PTPRD: variants seen among roughly 807,000 people sequenced by gnomAD.
PTPRD encodes the protein protein tyrosine phosphatase receptor type D.
In PTPRD, 34 loss-of-function variants were observed where a neutral mutation model predicts 214.5. The observed-to-expected ratio is 0.16, with a 90% CI of 0.12 to 0.21. The LOEUF (loss-of-function observed/expected upper bound fraction) is 0.21, where lower values mean the gene tolerates loss of function less well. Among genes scored for constraint, PTPRD ranks in the 10% least tolerant of loss-of-function variants. The pLI, the probability that PTPRD is intolerant of heterozygous loss-of-function variation, is 1.00. For synonymous variants in PTPRD, 1,128 were observed against 845.7 expected, an observed-to-expected ratio of 1.33 and a Z score of -5.79; for missense variants, 2,545 against 2,398.7, an observed-to-expected ratio of 1.06 and a Z score of -1.27.
At chr9:8,430,787 C>G (rs1401587454) in intron 35 of PTPRD, among the ~76,000 whole-genome samples, 1 of 152,094 alleles carries the variant, frequency 6.6e-6, no homozygotes, top group Non-Finnish European at 1.5e-5. Flanking sequence ...CACTTCACTC[C>G]TCTTCCTAGT....
intron 10 of PTPRD, among the ~76,000 whole-genome samples, chr9:9,034,934 T>C (rs2099616775): frequency 6.6e-6 from 1 of 152,146 alleles, no homozygotes; most frequent in South Asian, 2.1e-4. Context: ...CAGTGCCTGG[T>C]GCAGTCTGAA....
chr9:10,429,813 T>C (rs1256374452), intron 2 of PTPRD, among the ~76,000 whole-genome samples: 2 of 151,916 alleles, frequency 1.3e-5, no homozygotes, highest in African/African-American at 2.4e-5. Context: ...TTCTTTTGAA[T>C]ACATCATATT....
At chr9:9,452,335 A>G (rs933084748) in intron 8 of PTPRD, among the ~76,000 whole-genome samples, 3 of 151,508 alleles carry the variant, frequency 2.0e-5, no homozygotes, top group African/African-American at 7.2e-5. Context: ...ACTGAGAACA[A>G]AGTAGTAGAG....
chr9:9,780,103 C>G (rs2098831270), intron 5 of PTPRD, among the ~76,000 whole-genome samples: 1 of 152,190 alleles, frequency 6.6e-6, no homozygotes, highest in South Asian at 2.1e-4. Context: ...AAATCACATT[C>G]TTTGGAGCAG....
chr9:9,503,222 G>A (rs966829784), intron 8 of PTPRD, among the ~76,000 whole-genome samples: 6 of 151,630 alleles, frequency 4.0e-5, no homozygotes, highest in Non-Finnish European at 8.8e-5. Flanking sequence ...TTATAGCTCA[G>A]TAATGTTACC....
chr9:9,042,407 A>G (rs1036312596), intron 10 of PTPRD, among the ~76,000 whole-genome samples: 3 of 152,064 alleles, frequency 2.0e-5, no homozygotes, highest in African/African-American at 7.2e-5. Flanking sequence ...GAGGCAGGAG[A>G]ACAGTTAGAC....
intron 37 of PTPRD, among the ~76,000 whole-genome samples, chr9:8,379,703 A>C (rs962124052): frequency 4.6e-5 from 7 of 152,198 alleles, no homozygotes; most frequent in African/African-American, 1.7e-4. Flanking sequence ...TAGGCTTCAC[A>C]CATAAAGCTG....
intron 12 of PTPRD, among the ~76,000 whole-genome samples, chr9:8,709,638 A>C (rs1036523825): frequency 6.6e-6 from 1 of 152,172 alleles, no homozygotes; most frequent in East Asian, 1.9e-4. Context: ...AGCCAAATTT[A>C]GTCATTCTAC....
intron 7 of PTPRD, among the ~76,000 whole-genome samples, chr9:9,674,136 G>C (rs1004847682): frequency 2.0e-5 from 3 of 151,742 alleles, no homozygotes; most frequent in Admixed American, 6.6e-5. Context: ...TAGTATATTT[G>C]ATTTGGGGAG....
At position 8,436,692 on chromosome 9, in the gene PTPRD, A is replaced by T. The variant is rs754635609; in HGVS notation, c.3989-3T>A. The T allele has an allele frequency of 1.2e-4, 195 of 1,609,044 alleles. 1 individual carries two copies. The highest frequency in any genetic ancestry group is 1.5e-4 in the Non-Finnish European group (178 of 1,176,952). ...TATTGGAGGATGGCTAGCCATACCT[A>T]TTGAAAAAAGCAAAGAAGAAACACA... is the stretch of plus-strand genomic sequence containing the variant. On this transcript the variant is annotated splice_polypyrimidine_tract_variant and splice_region_variant and intron_variant, in intron 34 of 45. Coordinates refer to ENST00000381196, the MANE Select transcript of PTPRD (RefSeq NM_002839.4).
intron 11 of PTPRD, among the ~76,000 whole-genome samples, chr9:8,918,606 G>A (rs2098803840): frequency 6.6e-6 from 1 of 152,114 alleles, no homozygotes; most frequent in African/African-American, 2.4e-5. Context: ...CATATATAGT[G>A]ATTACTTGTA....
intron 9 of PTPRD, among the ~76,000 whole-genome samples, chr9:9,340,344 A>C (rs1169979657): frequency 6.6e-6 from 1 of 152,234 alleles, no homozygotes; most frequent in East Asian, 1.9e-4. Context: ...TTTTCTCAGA[A>C]CACTGAAGAT....
chr9:9,340,907 A>G (rs2046539075), intron 9 of PTPRD, among the ~76,000 whole-genome samples: 1 of 152,172 alleles, frequency 6.6e-6, no homozygotes, highest in South Asian at 2.1e-4. Context: ...ACTAGTGAAG[A>G]AAACAGTGAT....
At chr9:10,320,348 C>T (rs1289935300) in intron 3 of PTPRD, among the ~76,000 whole-genome samples, 1 of 152,002 alleles carries the variant, frequency 6.6e-6, no homozygotes, top group African/African-American at 2.4e-5. Flanking sequence ...AATATTTTCC[C>T]TGTTTTAATC....
intron 7 of PTPRD, among the ~76,000 whole-genome samples, chr9:9,711,807 C>A (rs981966486): frequency 2.0e-5 from 3 of 152,164 alleles, no homozygotes; most frequent in African/African-American, 7.2e-5. Context: ...GCCTTTCAAA[C>A]AGCTCTCTTA....
rs77881577 is a variant in PTPRD at position 10,260,478 on chromosome 9, C to T, written c.-545+80485G>A. Among the ~76,000 whole-genome samples the T allele has an allele frequency of 1.3e-3, 204 of 152,250 alleles. 1 individual carries two copies. In the East Asian group the frequency reaches 0.027, roughly 20 times the overall value. On this transcript the variant is annotated intron_variant, in intron 3 of 45. Transcript: ENST00000381196. Reference sequence around the variant, plus strand: ...AAGGGTCTTCCAAGTCAACATTTTACGCATTCCAACTAAGATGTATTTCTC... The same window carrying T: ...AAGGGTCTTCCAAGTCAACATTTTATGCATTCCAACTAAGATGTATTTCTC...
chr9:9,150,478 CTA>C (rs1308373041), intron 10 of PTPRD, among the ~76,000 whole-genome samples: 5 of 146,090 alleles, frequency 3.4e-5, no homozygotes, highest in Admixed American at 2.1e-4. Flanking sequence ...ATAATATATA[CTA>C]TATATATATG....
chr9:9,074,467 C>A (rs324485), intron 10 of PTPRD, among the ~76,000 whole-genome samples: 107,524 of 151,994 alleles, frequency 0.71, 38,518 homozygotes, highest in Non-Finnish European at 0.77. Context: ...TTGTAGAATT[C>A]TGAGAAGTGA....
chr9:9,400,050 CTT>C (rs1203911541), intron 8 of PTPRD, among the ~76,000 whole-genome samples: 1 of 147,386 alleles, frequency 6.8e-6, no homozygotes, highest in Non-Finnish European at 1.5e-5. Flanking sequence ...ATTATTTTGA[CTT>C]TCTTTAAAAA....
Sources: gnomAD v4.1 joint callset for allele counts (sites outside exome capture counted in the v4.1 genomes callset) on GRCh38, gnomAD v4.1.1 for gene constraint, MANE v1.5 for transcripts, NCBI Gene and HGNC (gene_info 2026-07-23, HGNC 2026-07-21) for gene names.